Variants in NBEAL1 observed in about 807,000 individuals in gnomAD.
The protein encoded by NBEAL1 is neurobeachin like 1, also known as neurobeachin-like protein 1.
A neutral mutation model predicts 351.3 loss-of-function variants in NBEAL1; 273 were observed. The ratio of observed to expected loss-of-function variants is 0.78; its 90% confidence interval spans 0.70 to 0.86. NBEAL1 has a LOEUF of 0.86. NBEAL1 is among the 40% of genes least tolerant of loss of function. The pLI, the probability that NBEAL1 is intolerant of heterozygous loss-of-function variation, is 0.00. For missense variants in NBEAL1, 2,961 were observed against 3,201.3 expected, an observed-to-expected ratio of 0.92 and a Z score of 1.81; for synonymous variants, 1,050 against 1,086.4, an observed-to-expected ratio of 0.97 and a Z score of 0.66.
chr2:203,213,666 A>C lies in NBEAL1; in HGVS notation c.8070+13A>C. 6.2e-7 allele frequency: 1 copy of C among 1,613,526 alleles called. No individual in the cohort carries two copies. The highest frequency in any genetic ancestry group is 8.5e-7 in the Non-Finnish European group (1 of 1,179,842). On this transcript the variant is annotated intron_variant, in intron 55 of 55. Coordinates refer to ENST00000683969, the MANE Select transcript of NBEAL1 (RefSeq NM_001378026.1). ...CAAGCCTGCTGAGGTAAAACCTAGC[A>C]TCAGTAATTTCATTTCTCATGCTGT...
At position 203,126,600 on chromosome 2, in the gene NBEAL1, A is replaced by G. The variant is rs1224038663; in HGVS notation, c.3029A>G (p.Gln1010Arg). 3 of 1,516,304 alleles carry G rather than the reference A, an allele frequency of 2.0e-6. No homozygotes were observed. Among genetic ancestry groups the G allele is most frequent in the Non-Finnish European group, 1.8e-6 (2 of 1,132,800 alleles). The allele number at this position is 1,516,304 out of a possible 1,614,324, so 93.9% of individuals were successfully genotyped here. A position where few individuals can be genotyped will look rare whatever the true frequency, so the allele number is the denominator to read the frequency against. The stretch of plus-strand genomic sequence containing the variant: ...GATGTTAATGTGTTGATGGCAGTTC[A>G]GTTACTAATTGAACAAGTATCATTA... ...LMDVNVLMAV[Q>R]LLIEQVSLEK... Residue 1010 changes from glutamine to arginine, a missense_variant, in exon 22 of 56, where the codon CAG becomes CGG. Transcript: ENST00000683969.
At chr2:203,121,566 T>G (rs2062831608) in intron 18 of NBEAL1, among the ~76,000 whole-genome samples, 1 of 150,436 alleles carries the variant, frequency 6.6e-6, no homozygotes, top group Non-Finnish European at 1.5e-5. Flanking sequence ...GCAGGAGAAT[T>G]GCTCGAATCT....
At chr2:203,069,597 C>T (rs760359378) in intron 7 of NBEAL1, among the ~76,000 whole-genome samples, 10 of 152,100 alleles carry the variant, frequency 6.6e-5, no homozygotes, top group South Asian at 4.2e-4. Context: ...TTAGGTTGTG[C>T]GCATATTTTG....
At chr2:203,173,864 G>A (rs575483769) in intron 41 of NBEAL1, among the ~76,000 whole-genome samples, 2 of 152,116 alleles carry the variant, frequency 1.3e-5, no homozygotes, top group South Asian at 2.1e-4. Context: ...TGAGTAGTAT[G>A]TAAAAGGAAA....
intron 6 of NBEAL1, 36 bp downstream of exon 6, chr2:203,057,489 T>A (rs1290081208): frequency 6.6e-7 from 1 of 1,504,932 alleles, no homozygotes; most frequent in East Asian, 2.5e-5. Flanking sequence ...ATTTAAAACC[T>A]GAATGTCATA....
chr2:203,122,153 A>G (rs2062846745), intron 18 of NBEAL1, 101 bp from the exon 19 acceptor site: 11 of 628,052 alleles, frequency 1.8e-5, no homozygotes, highest in Admixed American at 3.8e-5. Flanking sequence ...ATCTTTGACT[A>G]TCCTATATTC....
chr2:203,069,296 A>T (rs2106128334), intron 7 of NBEAL1, among the ~76,000 whole-genome samples: 1 of 152,280 alleles, frequency 6.6e-6, no homozygotes, highest in South Asian at 2.1e-4. Context: ...GCTGAAGATG[A>T]CTGCAGTGCT....
Position 203,113,190 on chromosome 2 carries a change from A to G in NBEAL1, c.2378A>G (p.Lys793Arg). 1.3e-6 allele frequency: 2 copies of G among 1,551,466 alleles called. No homozygotes were observed. Among genetic ancestry groups the G allele is most frequent in the South Asian group, 2.4e-5 (2 of 83,836 alleles). ...ATTGAAAAATCAAAATTGATTACCA[A>G]ATTGATATCAGCTGGAACCCAAGAC... Reference protein sequence around the residue: ...GTIEKSKLITKLISAGTQDSE... With the variant: ...GTIEKSKLITRLISAGTQDSE... The change falls in exon 17 of 56, where the codon AAA becomes AGA. Residue 793 changes from lysine (K) to arginine (R), a missense_variant. Physicochemically the swap from Lys to Arg is conservative, Grantham distance 26. Transcript: ENST00000683969.
At chr2:203,119,073 T>C (rs2062764317) in intron 18 of NBEAL1, among the ~76,000 whole-genome samples, 1 of 151,972 alleles carries the variant, frequency 6.6e-6, no homozygotes, top group Non-Finnish European at 1.5e-5. Flanking sequence ...ATAAATACAA[T>C]AAAACAGATT....
chr2:203,080,029 A>G (rs2061845248), intron 8 of NBEAL1, among the ~76,000 whole-genome samples: 1 of 152,186 alleles, frequency 6.6e-6, no homozygotes, highest in Non-Finnish European at 1.5e-5. Context: ...AGTTGACTTT[A>G]TGTATTTGGG....
chr2:203,103,024 G>A (rs1325148831), intron 12 of NBEAL1, among the ~76,000 whole-genome samples: 1 of 152,092 alleles, frequency 6.6e-6, no homozygotes, highest in Non-Finnish European at 1.5e-5. Context: ...TTTCTTCCTA[G>A]TTTGATCTTG....
intron 35 of NBEAL1, among the ~76,000 whole-genome samples, chr2:203,153,037 TCAA>T (rs199970297): frequency 0.022 from 3,373 of 152,022 alleles, 110 homozygotes; most frequent in East Asian, 0.13. Context: ...AAACTCCTCC[TCAA>T]CAACAACAAC....
At chr2:203,139,152 A>G (rs537996818) in intron 31 of NBEAL1, among the ~76,000 whole-genome samples, 228 of 152,142 alleles carry the variant, frequency 1.5e-3, no homozygotes, top group Middle Eastern at 0.014. Context: ...CTAATTCACA[A>G]TTTTACATTT....
chr2:203,191,131 C>T (rs559702248), intron 46 of NBEAL1: 131 of 1,593,010 alleles, frequency 8.2e-5, no homozygotes, highest in Admixed American at 2.2e-4. Flanking sequence ...ACAGATGCGG[C>T]ACCGATCCTT....
chr2:203,172,704 A>G, intron 40 of NBEAL1, 25 bp from the exon 41 acceptor site: 1 of 1,594,116 alleles, frequency 6.3e-7, no homozygotes, highest in Non-Finnish European at 8.5e-7. Flanking sequence ...AGGAATGTCT[A>G]AATTGTAAAT....
chr2:203,110,984 T>A (rs2062559914), intron 15 of NBEAL1, among the ~76,000 whole-genome samples: 1 of 152,012 alleles, frequency 6.6e-6, no homozygotes, highest in South Asian at 2.1e-4. Flanking sequence ...CAGGATGGTC[T>A]TGATCTCTTG....
chr2:203,136,717 T>C lies in NBEAL1; in HGVS notation c.4508T>C (p.Leu1503Pro). Residue 1503 changes from leucine (L) to proline (P), a missense_variant, in exon 29 of 56, where the codon CTA becomes CCA. Leu to Pro is a moderately conservative substitution (Grantham distance 98). Coordinates refer to ENST00000683969, the MANE Select transcript of NBEAL1 (RefSeq NM_001378026.1). ...WIERGQVFSA[L>P]SKPGISSELL... ...GAACGAGGACAAGTGTTTTCAGCAC[T>C]AAGTAAACCAGGAATATCCAGTGAA... 6.2e-7 allele frequency: 1 copy of C among 1,613,822 alleles called. No homozygotes were observed. Among genetic ancestry groups the C allele is most frequent in the Non-Finnish European group, 8.5e-7 (1 of 1,179,840 alleles).
At chr2:203,177,087 G>A (rs989152053) in intron 42 of NBEAL1, among the ~76,000 whole-genome samples, 1 of 149,440 alleles carries the variant, frequency 6.7e-6, no homozygotes, top group African/African-American at 2.5e-5. Flanking sequence ...GGAGGTCGAG[G>A]CTATAGTGAA....
At chr2:203,192,972 T>C (rs1462559165) in intron 46 of NBEAL1, among the ~76,000 whole-genome samples, 33 of 134,510 alleles carry the variant, frequency 2.5e-4, no homozygotes, top group South Asian at 7.9e-4. Context: ...TCTTTTTTTT[T>C]TTTTTTTTTT....
Sources: allele counts gnomAD v4.1 joint callset (sites outside exome capture counted in the v4.1 genomes callset), GRCh38; gene constraint gnomAD v4.1.1; transcripts MANE v1.5; gene names NCBI Gene and HGNC (gene_info 2026-07-23, HGNC 2026-07-21).